Variants in PLCE1 observed in about 807,000 individuals in gnomAD.
PLCE1 encodes the protein 1-phosphatidylinositol 4,5-bisphosphate phosphodiesterase epsilon-1.
PLCE1 carries 119 observed loss-of-function variants against 242.8 expected under a neutral mutation model. The observed-to-expected ratio is 0.49, with a 90% CI of 0.42 to 0.57. The LOEUF (loss-of-function observed/expected upper bound fraction) is 0.57. PLCE1 is among the 20% of genes least tolerant of loss of function. The pLI, the probability that PLCE1 is intolerant of heterozygous loss-of-function variation, is 0.00. For synonymous variants in PLCE1, 945 were observed against 1,017.4 expected, an observed-to-expected ratio of 0.93 and a Z score of 1.35; for missense variants, 2,441 against 2,788.8, an observed-to-expected ratio of 0.88 and a Z score of 2.81.
intron 2 of PLCE1, among the ~76,000 whole-genome samples, chr10:94,056,684 A>C (rs1239060928): frequency 6.6e-6 from 1 of 152,194 alleles, no homozygotes; most frequent in Admixed American, 6.5e-5. Context: ...TAAAGTATAC[A>C]ATTCAATGAT....
chr10:94,254,800 C>A, intron 10 of PLCE1, 93 bp from the exon 11 acceptor site: 1 of 1,401,338 alleles, frequency 7.1e-7, no homozygotes, highest in Non-Finnish European at 1.0e-6. Context: ...GGTTGATTTG[C>A]TCAGACATCC....
intron 19 of PLCE1, among the ~76,000 whole-genome samples, chr10:94,275,942 A>AT (rs1366333294): frequency 6.6e-6 from 1 of 152,018 alleles, no homozygotes; most frequent in Non-Finnish European, 1.5e-5. Flanking sequence ...CAGCGTTCCC[A>AT]TTTTTCCAGA....
At chr10:94,057,584 C>G (rs995858405) in intron 2 of PLCE1, among the ~76,000 whole-genome samples, 2 of 152,174 alleles carry the variant, frequency 1.3e-5, no homozygotes, top group African/African-American at 4.8e-5. Context: ...CCGCACTTTT[C>G]TCTCAGAAGA....
intron 2 of PLCE1, among the ~76,000 whole-genome samples, chr10:94,097,994 G>A (rs1403745317): frequency 2.6e-5 from 4 of 152,216 alleles, no homozygotes; most frequent in Non-Finnish European, 5.9e-5. Context: ...TGGATATTTG[G>A]GGAAAGTGAC....
intron 7 of PLCE1, among the ~76,000 whole-genome samples, chr10:94,240,893 G>A (rs943946931): frequency 1.3e-5 from 2 of 151,902 alleles, no homozygotes; most frequent in Non-Finnish European, 2.9e-5. Flanking sequence ...TTTGATCTTC[G>A]GTTAACATTA....
At chr10:94,020,095 A>C (rs1471216251) in intron 1 of PLCE1, among the ~76,000 whole-genome samples, 5 of 152,356 alleles carry the variant, frequency 3.3e-5, no homozygotes, top group Admixed American at 6.5e-5. Context: ...AATGTTTTCC[A>C]AAGTGGCTGT....
rs1357524974 is a variant in PLCE1 at position 94,306,799 on chromosome 10, GAATT to G, written c.5884+114_5884+117del. On this transcript the variant is annotated intron_variant, in intron 26 of 32. Transcript: ENST00000371380. The surrounding 1 kb of genome is among the most constrained non-coding windows in gnomAD (Gnocchi z 5.7). ...TTTGACATTTTCCTATAAAGAAGTT[GAATT>G]AAGAAGCAAAAGGAAATACAAATTG... The G allele has an allele frequency of 1.1e-6, 1 of 874,838 alleles. No individual in the cohort carries two copies. Among genetic ancestry groups the G allele is most frequent in the Non-Finnish European group, 1.8e-6 (1 of 550,234 alleles). The allele number at this position is 874,838 out of a possible 1,614,324, so 54.2% of individuals were successfully genotyped here. A position where few individuals can be genotyped will look rare whatever the true frequency, so the allele number is the denominator to read the frequency against.
In PLCE1 at chr10:94,284,891, A is replaced by G. The variant is rs373844518; in HGVS notation, c.4961A>G (p.Asn1654Ser). Residue 1654 changes from asparagine to serine, a missense_variant, in exon 22 of 33, where the codon AAT becomes AGT. Asn to Ser is a conservative substitution (Grantham distance 46, BLOSUM62 1). Around this residue, in one of 5 missense-constraint regions of PLCE1, gnomAD observed 1,004 missense variants for 1,322.7 expected, o/e 0.76. Coordinates refer to ENST00000371380, the MANE Select transcript of PLCE1 (RefSeq NM_016341.4). ...GGAGAAGAATTTTATCTTGATCAGAATAAAAAGGAAAGCAGACAGATTGCA... is the reference window on the plus strand; with the variant it reads ...GGAGAAGAATTTTATCTTGATCAGAGTAAAAAGGAAAGCAGACAGATTGCA... ...ELGEEFYLDQ[N>S]KKESRQIAPE... 1.2e-6 allele frequency: 2 copies of G among 1,611,546 alleles called. No individual in the cohort carries two copies. The highest frequency in any genetic ancestry group is 2.7e-5 in the African/African-American group (2 of 74,866).
chr10:94,172,529 T>G (rs2048016797), intron 4 of PLCE1, among the ~76,000 whole-genome samples: 1 of 152,204 alleles, frequency 6.6e-6, no homozygotes, highest in Admixed American at 6.5e-5. Flanking sequence ...CATCCTGTGT[T>G]ACATAAACAC....
intron 3 of PLCE1, among the ~76,000 whole-genome samples, chr10:94,144,986 G>A (rs568537434): frequency 4.1e-4 from 63 of 152,366 alleles, no homozygotes; most frequent in Non-Finnish European, 6.8e-4. Flanking sequence ...GTTAAGGGCT[G>A]TAGAAGCAAT....
chr10:94,220,184 A>T (rs543387607), intron 4 of PLCE1, among the ~76,000 whole-genome samples: 1 of 150,940 alleles, frequency 6.6e-6, no homozygotes, highest in Admixed American at 6.6e-5. Flanking sequence ...TTATACATAC[A>T]TACATACATA....
intron 4 of PLCE1, among the ~76,000 whole-genome samples, chr10:94,177,609 T>A (rs2048164499): frequency 6.6e-6 from 1 of 152,214 alleles, no homozygotes; most frequent in East Asian, 1.9e-4. Flanking sequence ...GCCTCACTTC[T>A]TGACCACCCA....
intron 5 of PLCE1, among the ~76,000 whole-genome samples, chr10:94,229,189 A>C (rs2050055843): frequency 9.5e-6 from 1 of 105,800 alleles, no homozygotes; most frequent in African/African-American, 3.7e-5. Flanking sequence ...ATCAAAAAAC[A>C]AAACAAACAA....
Position 94,150,600 on chromosome 10 carries a change from T to C in PLCE1, c.1492+18141T>C, listed in dbSNP as rs536981856. Among the ~76,000 whole-genome samples the C allele has an allele frequency of 3.9e-5, 6 of 152,316 alleles. No individual in the cohort carries two copies. The East Asian group carries it at 1.2e-3, about 29-fold the overall frequency. Reference sequence around the variant, plus strand: ...CTTATCTGTGAAGAGTTTAGGGAAATTGATATTCTGCTGTATCATCTCCTA... The same window carrying C: ...CTTATCTGTGAAGAGTTTAGGGAAACTGATATTCTGCTGTATCATCTCCTA... On this transcript the variant is annotated intron_variant, in intron 3 of 32. Transcript: ENST00000371380.
At chr10:94,016,317 G>T (rs1489637745) in intron 1 of PLCE1, among the ~76,000 whole-genome samples, 1 of 151,924 alleles carries the variant, frequency 6.6e-6, no homozygotes, top group East Asian at 1.9e-4. Context: ...TTTGGATTTT[G>T]GACTTTTTTG....
At chr10:94,146,977 A>G (rs1272695884) in intron 3 of PLCE1, among the ~76,000 whole-genome samples, 2 of 152,034 alleles carry the variant, frequency 1.3e-5, no homozygotes, top group African/African-American at 4.8e-5. Flanking sequence ...TAAGTTCCCA[A>G]CCTTATTTCT....
intron 13 of PLCE1, 115 bp downstream of exon 13, chr10:94,259,265 G>T: frequency 1.9e-6 from 2 of 1,034,450 alleles, no homozygotes; most frequent in Non-Finnish European, 3.0e-6. Context: ...TTACTGCTGT[G>T]TAGGGAAAGA....
At chr10:94,191,272 C>T (rs1343684564) in intron 4 of PLCE1, among the ~76,000 whole-genome samples, 1 of 152,076 alleles carries the variant, frequency 6.6e-6, no homozygotes, top group Non-Finnish European at 1.5e-5. Flanking sequence ...TTGACATTTG[C>T]AGGAGAATTT....
chr10:94,185,479 A>G (rs1293719630), intron 4 of PLCE1, among the ~76,000 whole-genome samples: 1 of 152,184 alleles, frequency 6.6e-6, no homozygotes, highest in African/African-American at 2.4e-5. Flanking sequence ...CTGGGCCACA[A>G]GAGTGAAACT....
Sources: allele counts gnomAD v4.1 joint callset (sites outside exome capture counted in the v4.1 genomes callset), GRCh38; gene constraint gnomAD v4.1.1; regional missense constraint gnomAD v4.1.1; non-coding constraint Gnocchi (gnomAD v3.1); transcripts MANE v1.5; gene names NCBI Gene and HGNC (gene_info 2026-07-23, HGNC 2026-07-21).